GNAZ: variants seen among roughly 807,000 people sequenced by gnomAD.
GNAZ encodes the protein guanine nucleotide-binding protein G(z) subunit alpha.
In GNAZ, 3 loss-of-function variants were observed where a neutral mutation model predicts 25.4. The ratio of observed to expected loss-of-function variants is 0.12; its 90% CI spans 0.05 to 0.30. The LOEUF is 0.30. Among genes scored for constraint, GNAZ ranks in the 10% least tolerant of loss-of-function variants. GNAZ has a pLI of 1.00. For synonymous variants in GNAZ, 211 were observed against 205.7 expected (o/e 1.03, Z -0.22); for missense variants, 241 against 501.8 (o/e 0.48, Z 4.97).
intron 2 of GNAZ, among the ~76,000 whole-genome samples, chr22:23,119,474 C>T (rs976336950): frequency 9.9e-5 from 15 of 152,232 alleles, no homozygotes; most frequent in Non-Finnish European, 1.9e-4. Flanking sequence ...GGCCTCTGGT[C>T]TAGGAACAAA....
At chr22:23,074,427 T>C (rs920674573) in intron 1 of GNAZ, among the ~76,000 whole-genome samples, 1 of 152,160 alleles carries the variant, frequency 6.6e-6, no homozygotes, top group African/African-American at 2.4e-5. Context: ...GGAGCTGGTA[T>C]TGGCTGAGAA....
chr22:23,123,733 G>A lies in GNAZ; in HGVS notation c.*302G>A. The stretch of plus-strand genomic sequence containing the variant: ...CACAAGGTCACTACAAGCCCAACCT[G>A]CCCCTTCACTTTGCCTTCCTGAGTT... On this transcript the variant is annotated 3_prime_UTR_variant, in exon 3 of 3. Coordinates refer to ENST00000615612, the MANE Select transcript of GNAZ (RefSeq NM_002073.4). The A allele has an allele frequency of 2.7e-6, 1 of 375,292 alleles. No individual in the cohort carries two copies. 23.2% of individuals were successfully genotyped at this position (375,292 alleles called of 1,614,324 possible). A position where few individuals can be genotyped will look rare whatever the true frequency, so the allele number is the denominator to read the frequency against.
chr22:23,095,498 C>G lies in GNAZ; in HGVS notation c.-198C>G, dbSNP rs896548088. ...CTAGTGGGGAGGGGCGGCCACCGCC[C>G]GCTGCACAGAGCGCCATGCCGGCTG... is the stretch of plus-strand genomic sequence containing the variant. On this transcript the variant is annotated 5_prime_UTR_variant, in exon 2 of 3. Transcript: ENST00000615612. The G allele has an allele frequency of 1.6e-6, 1 of 620,118 alleles. No individual in the cohort carries two copies. The highest frequency in any genetic ancestry group is 2.8e-6 in the Non-Finnish European group (1 of 358,776). The allele number at this position is 620,118 out of a possible 1,614,324, so 38.4% of individuals were successfully genotyped here.
intron 1 of GNAZ, among the ~76,000 whole-genome samples, chr22:23,087,811 C>T (rs1397322765): frequency 6.6e-6 from 1 of 152,112 alleles, no homozygotes; most frequent in Non-Finnish European, 1.5e-5. Flanking sequence ...CTGGGTGGGG[C>T]CAGTTGATCC....
chr22:23,103,197 T>C (rs2069353887), intron 2 of GNAZ, among the ~76,000 whole-genome samples: 1 of 152,174 alleles, frequency 6.6e-6, no homozygotes, highest in African/African-American at 2.4e-5. Flanking sequence ...TGTGAGCTGT[T>C]TGACATTATA....
chr22:23,122,828 C>T (rs903579528), intron 2 of GNAZ: 2 of 551,706 alleles, frequency 3.6e-6, no homozygotes, highest in Non-Finnish European at 6.5e-6. Context: ...AGATCACTGG[C>T]ACCCAGAGGA....
At chr22:23,076,317 T>C (rs544599697) in intron 1 of GNAZ, among the ~76,000 whole-genome samples, 6 of 152,304 alleles carry the variant, frequency 3.9e-5, no homozygotes, top group East Asian at 1.9e-4. Flanking sequence ...GGAGTCACCA[T>C]TGAGAATCGC....
At chr22:23,072,296 G>A (rs1326098552) in intron 1 of GNAZ, among the ~76,000 whole-genome samples, 6 of 152,134 alleles carry the variant, frequency 3.9e-5, no homozygotes, top group Non-Finnish European at 2.9e-5. Context: ...TCCATCTACG[G>A]GGTGCAGTGG....
At chr22:23,099,880 G>A (rs1245200269) in intron 2 of GNAZ, among the ~76,000 whole-genome samples, 3 of 152,264 alleles carry the variant, frequency 2.0e-5, no homozygotes, top group Non-Finnish European at 4.4e-5. Context: ...AGGCACCTGA[G>A]GGGGTAGGTG....
intron 2 of GNAZ, among the ~76,000 whole-genome samples, chr22:23,120,272 C>T (rs2069977096): frequency 6.6e-6 from 1 of 152,124 alleles, no homozygotes; most frequent in African/African-American, 2.4e-5. Flanking sequence ...TGCATTGGGA[C>T]AGCTTGACTC....
At chr22:23,109,144 G>A (rs901134774) in intron 2 of GNAZ, among the ~76,000 whole-genome samples, 2 of 152,180 alleles carry the variant, frequency 1.3e-5, no homozygotes, top group African/African-American at 4.8e-5. Flanking sequence ...TTTCTCTTGT[G>A]ACGCACTTCA....
intron 2 of GNAZ, among the ~76,000 whole-genome samples, chr22:23,113,070 C>G (rs538265145): frequency 2.6e-5 from 4 of 152,298 alleles, no homozygotes; most frequent in African/African-American, 9.6e-5. Flanking sequence ...CAGGGCTCAC[C>G]TCCAGGCTAG....
chr22:23,114,778 C>T (rs1308560759), intron 2 of GNAZ, among the ~76,000 whole-genome samples: 3 of 152,222 alleles, frequency 2.0e-5, no homozygotes, highest in African/African-American at 4.8e-5. Context: ...ATTGGCCACT[C>T]CGCAGCTGCC....
chr22:23,086,946 G>C (rs2068835979), intron 1 of GNAZ, among the ~76,000 whole-genome samples: 2 of 152,244 alleles, frequency 1.3e-5, no homozygotes, highest in Non-Finnish European at 2.9e-5. Flanking sequence ...CATGGCTGGG[G>C]CAGGACAGGG....
intron 2 of GNAZ, among the ~76,000 whole-genome samples, 170 bp downstream of exon 2, chr22:23,096,588 A>G (rs925559905): frequency 6.6e-6 from 1 of 152,152 alleles, no homozygotes; most frequent in Non-Finnish European, 1.5e-5. Context: ...GGCAGAGGGA[A>G]CAGGGTGTGG....
chr22:23,120,882 G>T (rs552832761), intron 2 of GNAZ, among the ~76,000 whole-genome samples: 1 of 152,160 alleles, frequency 6.6e-6, no homozygotes, highest in Non-Finnish European at 1.5e-5. Context: ...TTAATAATAC[G>T]TGCTAATGGT....
rs138998223 is a variant in GNAZ at position 23,108,454 on chromosome 22, C to T, written c.723+12036C>T. On this transcript the variant is annotated intron_variant, in intron 2 of 2. Coordinates refer to ENST00000615612, the MANE Select transcript of GNAZ (RefSeq NM_002073.4). ...ATGCAGGGTAGCACAGCAAAGGCCT[C>T]GAGGTGACAGAGACGGAAGCAGGAG... 2.8e-3 allele frequency among the ~76,000 whole-genome samples: 432 copies of T among 152,360 alleles called. 5 individuals carry two copies. The highest frequency in any genetic ancestry group is 9.7e-3 in the African/African-American group (405 of 41,572).
At chr22:23,073,275 C>G (rs1486949451) in intron 1 of GNAZ, among the ~76,000 whole-genome samples, 1 of 152,246 alleles carries the variant, frequency 6.6e-6, no homozygotes, top group Non-Finnish European at 1.5e-5. Flanking sequence ...CCTGTGAGCA[C>G]TGTGCTTGGC....
At chr22:23,121,452 A>C (rs1426777022) in intron 2 of GNAZ, among the ~76,000 whole-genome samples, 1 of 152,086 alleles carries the variant, frequency 6.6e-6, no homozygotes, top group Non-Finnish European at 1.5e-5. Flanking sequence ...CTTTGGGCCC[A>C]CCCTGTAGGA....
Sources: allele counts gnomAD v4.1 joint callset (sites outside exome capture counted in the v4.1 genomes callset), GRCh38; gene constraint gnomAD v4.1.1; transcripts MANE v1.5; gene names NCBI Gene and HGNC (gene_info 2026-07-23, HGNC 2026-07-21).